The following TMEM35B variants were observed in gnomAD, a reference collection of about 807,000 sequenced individuals.
TMEM35B encodes the protein ZMYM6 neighbor protein.
A neutral mutation model predicts 8.7 loss-of-function variants in TMEM35B; 6 were observed. That is an observed-to-expected ratio of 0.69 (90% CI 0.38 to 1.36). TMEM35B has a LOEUF of 1.36. Among genes scored for constraint, TMEM35B ranks in the 40% most tolerant of loss-of-function variants. The pLI is 0.02. For synonymous variants in TMEM35B, 89 were observed against 87.0 expected, an observed-to-expected ratio of 1.02 and a Z score of -0.13; for missense variants, 176 against 181.6, an observed-to-expected ratio of 0.97 and a Z score of 0.18.
exon 1 of TMEM35B, chr1:34,985,318 C>A: frequency 6.6e-7 from 1 of 1,523,840 alleles, no homozygotes; most frequent in Non-Finnish European, 8.8e-7. Flanking sequence ...CCGCGCTCCC[C>A]CCACCGTGGG....
chr1:34,984,069 GTC>G, intron 1 of TMEM35B, 122 bp from the exon 2 acceptor site: 1 of 1,003,994 alleles, frequency 1.0e-6, no homozygotes, highest in Non-Finnish European at 1.4e-6. Context: ...ACTACTCTAG[GTC>G]AGGTCCAGGG....
chr1:34,981,738 T>C (rs1640508824), exon 3 of TMEM35B: 1 of 341,468 alleles, frequency 2.9e-6, no homozygotes, highest in Non-Finnish European at 5.0e-6. Context: ...TGTATTTTCA[T>C]ATGACATGAG....
At chr1:34,983,801 C>A in exon 2 of TMEM35B, 3 of 1,541,276 alleles carry the variant, frequency 1.9e-6, no homozygotes, top group Non-Finnish European at 2.6e-6. Flanking sequence ...AGTTACTGAT[C>A]TCTTGCAGCA....
intron 2 of TMEM35B, 60 bp downstream of exon 2, chr1:34,983,707 G>A (rs1231929544): frequency 5.9e-6 from 8 of 1,365,616 alleles, no homozygotes; most frequent in Middle Eastern, 2.1e-4. Context: ...GGAACAGCCA[G>A]GTCTTTCCAT....
chr1:34,984,580 G>A (rs1170580105), intron 1 of TMEM35B, among the ~76,000 whole-genome samples: 3 of 152,158 alleles, frequency 2.0e-5, no homozygotes, highest in East Asian at 3.9e-4. Flanking sequence ...GAGGGACTGG[G>A]GAGATTGGTG....
intron 1 of TMEM35B, among the ~76,000 whole-genome samples, chr1:34,984,850 G>GC (rs1485284065): frequency 6.6e-6 from 1 of 151,844 alleles, no homozygotes; most frequent in African/African-American, 2.4e-5. Context: ...GAAGCAAACG[G>GC]CGAAAAGAGG....
intron 2 of TMEM35B, among the ~76,000 whole-genome samples, chr1:34,983,072 T>C (rs971228796): frequency 2.0e-5 from 3 of 152,140 alleles, no homozygotes; most frequent in African/African-American, 7.2e-5. Context: ...GTTCTCCAGC[T>C]TCCCTGCTCT....
At chr1:34,983,193 CT>C (rs1390124554) in intron 2 of TMEM35B, among the ~76,000 whole-genome samples, 1 of 152,134 alleles carries the variant, frequency 6.6e-6, no homozygotes, top group East Asian at 1.9e-4. Flanking sequence ...TGCAATATAT[CT>C]TCACAAGGCA....
chr1:34,981,815 C>A, exon 3 of TMEM35B: 1 of 884,994 alleles, frequency 1.1e-6, no homozygotes, highest in Non-Finnish European at 1.6e-6. Context: ...GAAAGCAGTG[C>A]CAGGTAGACA....
rs184243256 is a variant in TMEM35B at position 34,982,126 on chromosome 1, T to A, written c.290-7A>T. 11 of 1,539,786 alleles carry A rather than the reference T, an allele frequency of 7.1e-6. No homozygotes were observed. The highest frequency in any genetic ancestry group is 1.2e-5 in the South Asian group (1 of 82,598). On this transcript the variant is annotated splice_polypyrimidine_tract_variant and splice_region_variant and intron_variant, in intron 2 of 2. Coordinates refer to ENST00000373337, the Ensembl canonical transcript of TMEM35B. ...GCCAAGGTGAAGATAGCCCCTGGAA[T>A]GGAAAGTGAGGTCCCTGAGGCTCCT...
intron 2 of TMEM35B, among the ~76,000 whole-genome samples, chr1:34,982,612 G>C (rs949497110): frequency 6.6e-6 from 1 of 151,998 alleles, no homozygotes; most frequent in Non-Finnish European, 1.5e-5. Context: ...GAGTAGCTGG[G>C]ATTACAGGCG....
At chr1:34,984,509 TGG>T (rs1037114925) in intron 1 of TMEM35B, among the ~76,000 whole-genome samples, 1 of 152,214 alleles carries the variant, frequency 6.6e-6, no homozygotes, top group African/African-American at 2.4e-5. Context: ...TGTCTGTCTC[TGG>T]GGATTTATCC....
At position 34,982,806 on chromosome 1, in the gene TMEM35B, G is replaced by A. The variant is rs562577525; in HGVS notation, c.290-687C>T. On this transcript the variant is annotated intron_variant, in intron 2 of 2. Coordinates refer to ENST00000373337, the Ensembl canonical transcript of TMEM35B. ...CCTTTCTTAATCCTACATCTACTAA[G>A]ATTAAGATGGAGGGAAGGACTAGCC... is the stretch of plus-strand genomic sequence containing the variant. 2.6e-5 allele frequency among the ~76,000 whole-genome samples: 4 copies of A among 152,246 alleles called. No individual in the cohort carries two copies. The East Asian group carries it at 7.7e-4, about 29-fold the overall frequency.
At chr1:34,984,066 T>C (rs1640536096) in intron 1 of TMEM35B, 119 bp from the exon 2 acceptor site, 6 of 1,020,720 alleles carry the variant, frequency 5.9e-6, no homozygotes, top group South Asian at 2.7e-5. Flanking sequence ...ACTACTACTC[T>C]AGGTCAGGTC....
intron 2 of TMEM35B, 108 bp from the exon 3 acceptor site, chr1:34,982,227 T>G: frequency 1.1e-6 from 1 of 912,484 alleles, no homozygotes; most frequent in Non-Finnish European, 1.6e-6. Flanking sequence ...GCCCTCCCAT[T>G]AAACACCCCC....
chr1:34,984,041 T>C, intron 1 of TMEM35B, 94 bp from the exon 2 acceptor site: 1 of 1,232,116 alleles, frequency 8.1e-7, no homozygotes, highest in Non-Finnish European at 1.1e-6. Context: ...TGCCCTCAAC[T>C]TCCCAGAGAA....
In TMEM35B at chr1:34,983,967, C is replaced by A; in HGVS notation, c.109-20G>T. The A allele has an allele frequency of 6.9e-7, 1 of 1,447,388 alleles. No homozygotes were observed. The highest frequency in any genetic ancestry group is 9.2e-7 in the Non-Finnish European group (1 of 1,090,698). 89.7% of individuals were successfully genotyped at this position (1,447,388 alleles called of 1,614,324 possible). On this transcript the variant is annotated intron_variant, in intron 1 of 2. Coordinates refer to ENST00000373337, the Ensembl canonical transcript of TMEM35B. The stretch of plus-strand genomic sequence containing the variant: ...GGCATTCTAGGGGTGGCAAGGAATG[C>A]CTGTTAGCCTCATTGTTCAACAAGG...
exon 3 of TMEM35B, chr1:34,981,801 A>G: frequency 1.4e-6 from 1 of 704,716 alleles, no homozygotes; most frequent in Non-Finnish European, 2.1e-6. Flanking sequence ...TAAAGCTAAA[A>G]AGAGAAAGCA....
chr1:34,982,115 AG>A lies in TMEM35B; in HGVS notation c.293del (p.Ala98ValfsTer8), dbSNP rs1484884891. On this transcript the variant is annotated frameshift_variant, in exon 3 of 3. Coordinates refer to ENST00000373337, the Ensembl canonical transcript of TMEM35B. LOFTEE classifies it low-confidence loss of function (END_TRUNC). ...CTTTCAGAGCTGCCAAGGTGAAGATAGCCCCTGGAATGGAAAGTGAGGTCCC... is the reference window on the plus strand; with the variant it reads ...CTTTCAGAGCTGCCAAGGTGAAGATACCCCTGGAATGGAAAGTGAGGTCCC... 7 of 1,543,352 alleles carry A rather than the reference AG, an allele frequency of 4.5e-6. No individual in the cohort carries two copies. The East Asian group carries it at 1.7e-4, about 38-fold the overall frequency.
Sources: allele counts gnomAD v4.1 joint callset (sites outside exome capture counted in the v4.1 genomes callset), GRCh38; gene constraint gnomAD v4.1.1; transcripts MANE v1.5; gene names NCBI Gene and HGNC (gene_info 2026-07-23, HGNC 2026-07-21).